PPARGC1A: variants seen among roughly 807,000 people sequenced by gnomAD.
PPARGC1A encodes the protein peroxisome proliferator-activated receptor gamma coactivator 1-alpha.
Under a neutral mutation model 88.7 loss-of-function variants are expected in PPARGC1A, and 25 were observed. The observed-to-expected ratio is 0.28, with a 90% CI of 0.21 to 0.39. PPARGC1A has a LOEUF of 0.39. PPARGC1A is among the 10% of genes least tolerant of loss of function. The pLI, the probability that PPARGC1A is intolerant of heterozygous loss-of-function variation, is 1.00. For missense variants in PPARGC1A, 880 were observed against 968.7 expected, an observed-to-expected ratio of 0.91 and a Z score of 1.22; for synonymous variants, 363 against 355.6, an observed-to-expected ratio of 1.02 and a Z score of -0.24.
At chr4:24,141,544 G>A in the PPARGC1A span, among the ~76,000 whole-genome samples, 8 of 152,338 alleles carry the variant, frequency 5.3e-5, no homozygotes, top group African/African-American at 1.7e-4. Context: ...TGCCATTCAA[G>A]GAATTGCTTA....
At chr4:23,951,091 G>A in the PPARGC1A span, among the ~76,000 whole-genome samples, 5 of 152,064 alleles carry the variant, frequency 3.3e-5, no homozygotes, top group African/African-American at 9.7e-5. Flanking sequence ...GCACACTCTG[G>A]ATACTAATAA....
At position 23,865,288 on chromosome 4, in the gene PPARGC1A, G is replaced by A; in HGVS notation, c.234+19464C>T. The stretch of plus-strand genomic sequence containing the variant: ...GGCAATGTGACTGGCCAGCGTTTCT[G>A]AGGATTCCTGATAGAAAATACCCAT... On this transcript the variant is annotated intron_variant, in intron 2 of 12. Coordinates refer to ENST00000264867, the MANE Select transcript of PPARGC1A (RefSeq NM_013261.5). Among the ~76,000 whole-genome samples the A allele has an allele frequency of 1.3e-5, 2 of 152,176 alleles. 1 individual carries two copies. Among genetic ancestry groups the A allele is most frequent in the Non-Finnish European group, 2.9e-5 (2 of 68,038 alleles).
chr4:24,254,294 G>A, the PPARGC1A span, among the ~76,000 whole-genome samples: 1 of 152,116 alleles, frequency 6.6e-6, no homozygotes, highest in African/African-American at 2.4e-5. Context: ...GTGAGATATT[G>A]GGTACCTTTT....
chr4:23,843,273 G>A (rs985128572), intron 2 of PPARGC1A, among the ~76,000 whole-genome samples: 11 of 152,044 alleles, frequency 7.2e-5, no homozygotes, highest in East Asian at 1.9e-4. Context: ...TTTAAAGGCC[G>A]TATAATATTG....
chr4:24,411,560 T>C, the PPARGC1A span, among the ~76,000 whole-genome samples: 10,323 of 152,234 alleles, frequency 0.068, 535 homozygotes, highest in Non-Finnish European at 0.1. Flanking sequence ...GGGTTCACGG[T>C]TGCTATTACA....
the PPARGC1A span, among the ~76,000 whole-genome samples, chr4:24,414,948 G>A: frequency 6.6e-6 from 1 of 152,136 alleles, no homozygotes; most frequent in Non-Finnish European, 1.5e-5. Context: ...CCAACACTTT[G>A]GGAGGCCGAG....
At chr4:23,954,974 A>G in the PPARGC1A span, among the ~76,000 whole-genome samples, 1 of 152,050 alleles carries the variant, frequency 6.6e-6, no homozygotes, top group African/African-American at 2.4e-5. Context: ...GTATTTGTAG[A>G]AGAGATGTCA....
At chr4:24,256,082 A>G in the PPARGC1A span, among the ~76,000 whole-genome samples, 3 of 152,152 alleles carry the variant, frequency 2.0e-5, no homozygotes, top group African/African-American at 7.2e-5. Context: ...TATTATTTCC[A>G]TTTTACAGAT....
At chr4:23,907,096 C>T (rs1223261823), upstream of PPARGC1A, among the ~76,000 whole-genome samples, 1 of 152,102 alleles carries the variant, frequency 6.6e-6, no homozygotes, top group East Asian at 1.9e-4. Flanking sequence ...GACTGCCTCT[C>T]CTGATATCTT....
At chr4:24,026,061 T>C in the PPARGC1A span, among the ~76,000 whole-genome samples, 1 of 152,232 alleles carries the variant, frequency 6.6e-6, no homozygotes, top group African/African-American at 2.4e-5. Flanking sequence ...GTTGCCAACA[T>C]TTAAAATTAA....
the PPARGC1A span, among the ~76,000 whole-genome samples, chr4:24,239,654 A>G: frequency 1.3e-5 from 2 of 152,234 alleles, no homozygotes; most frequent in African/African-American, 4.8e-5. Flanking sequence ...GCATAGGCAG[A>G]ATTCATGCTG....
the PPARGC1A span, among the ~76,000 whole-genome samples, chr4:24,254,495 G>A: frequency 1.3e-5 from 2 of 152,092 alleles, no homozygotes. Flanking sequence ...ATAGCACCAG[G>A]GACACTTTTA....
chr4:24,299,361 C>A, the PPARGC1A span, among the ~76,000 whole-genome samples: 3 of 152,062 alleles, frequency 2.0e-5, no homozygotes, highest in African/African-American at 7.2e-5. Context: ...ATTAACATCA[C>A]AATGTTAAAA....
the PPARGC1A span, among the ~76,000 whole-genome samples, chr4:24,172,740 A>G: frequency 6.6e-6 from 1 of 152,320 alleles, no homozygotes. Flanking sequence ...ATCCGTTGAA[A>G]TCAATAGGTA....
At chr4:23,921,873 A>G in the PPARGC1A span, among the ~76,000 whole-genome samples, 1 of 152,208 alleles carries the variant, frequency 6.6e-6, no homozygotes, top group Non-Finnish European at 1.5e-5. Context: ...CTTGGCCCCA[A>G]AATTATGGTG....
the PPARGC1A span, among the ~76,000 whole-genome samples, chr4:24,045,464 A>C: frequency 1.3e-5 from 2 of 152,210 alleles, no homozygotes; most frequent in Non-Finnish European, 1.5e-5. Flanking sequence ...AAAAGTCCAA[A>C]ATCAAGGTGT....
At chr4:23,993,197 A>G in the PPARGC1A span, among the ~76,000 whole-genome samples, 3 of 152,310 alleles carry the variant, frequency 2.0e-5, no homozygotes, top group African/African-American at 4.8e-5. Flanking sequence ...TGGAACAATG[A>G]TGTTATGTAA....
the PPARGC1A span, among the ~76,000 whole-genome samples, chr4:24,006,030 G>A: frequency 2.2e-4 from 34 of 152,054 alleles, no homozygotes; most frequent in Non-Finnish European, 3.5e-4. Context: ...TTTTGGTTTT[G>A]TTTTTGTGTT....
the PPARGC1A span, among the ~76,000 whole-genome samples, chr4:24,046,543 C>T: frequency 6.6e-6 from 1 of 151,978 alleles, no homozygotes; most frequent in Non-Finnish European, 1.5e-5. Context: ...AATGCAAACT[C>T]GACCACTGAC....
Sources: gnomAD v4.1 joint callset for allele counts (sites outside exome capture counted in the v4.1 genomes callset) on GRCh38, gnomAD v4.1.1 for gene constraint, MANE v1.5 for transcripts, NCBI Gene and HGNC (gene_info 2026-07-23, HGNC 2026-07-21) for gene names.